Variants in MEGF6 observed in about 807,000 individuals in gnomAD.
MEGF6 encodes multiple epidermal growth factor-like domains protein 6.
In MEGF6, 184 loss-of-function variants were observed where a neutral mutation model predicts 207.1. The ratio of observed to expected loss-of-function variants is 0.89; its 90% CI spans 0.79 to 1.00. The LOEUF is 1.00. MEGF6 is among the 50% of genes least tolerant of loss of function. MEGF6 has a pLI of 0.00. For missense variants in MEGF6, 2,282 were observed against 2,202.9 expected (o/e 1.04, Z -0.72); for synonymous variants, 1,038 against 910.0 (o/e 1.14, Z -2.53).
rs1294371279 is a variant in MEGF6 at position 3,602,541 on chromosome 1, T to C, written c.191A>G (p.Gln64Arg). Residue 64 changes from glutamine (Q) to arginine (R), a missense_variant, in exon 2 of 37, where the codon CAG (glutamine) becomes CGG (arginine). Transcript: ENST00000356575. ...CACCGGCACCGTGTGGCTTAAGGCC[T>C]GCACGCACGGCTGGCGGCGGCCCAC... is the stretch of plus-strand genomic sequence containing the variant. ...TLVGRRQPCV[Q>R]ALSHTVPVWK... 6.2e-7 allele frequency: 1 copy of C among 1,613,024 alleles called. No homozygotes were observed. The highest frequency in any genetic ancestry group is 1.7e-5 in the Admixed American group (1 of 59,960).
chr1:3,616,470 G>GCCC (rs1480762316), upstream of MEGF6, among the ~76,000 whole-genome samples: 1 of 152,072 alleles, frequency 6.6e-6, no homozygotes, highest in African/African-American at 2.4e-5. Flanking sequence ...ACCCCGGACC[G>GCCC]CCCCAGTCTG....
rs757596829 is a variant in MEGF6 at position 3,507,908 on chromosome 1, G to C, written c.1676C>G (p.Thr559Ser). The change falls in exon 14 of 37, where the codon ACC (threonine) becomes AGC (serine). Residue 559 changes from threonine (T) to serine (S), a missense_variant. Thr to Ser is a moderately conservative substitution (Grantham distance 58, BLOSUM62 1). Transcript: ENST00000356575. ...GGAGAAGCTGCAGTTCTTCCCAAAGGTGTCCGGAGGACAAGCTACAAAGAA... is the reference window on the plus strand; with the variant it reads ...GGAGAAGCTGCAGTTCTTCCCAAAGCTGTCCGGAGGACAAGCTACAAAGAA... ...LICNETCPPD[T>S]FGKNCSFSCS... The C allele has an allele frequency of 1.2e-6, 2 of 1,611,926 alleles. No individual in the cohort carries two copies. Among genetic ancestry groups the C allele is most frequent in the Non-Finnish European group, 1.7e-6 (2 of 1,179,178 alleles).
At chr1:3,555,158 ACCAC>A (rs146066678) in intron 4 of MEGF6, among the ~76,000 whole-genome samples, 11 of 149,332 alleles carry the variant, frequency 7.4e-5, no homozygotes, top group African/African-American at 1.5e-4. Context: ...GGTGGTCCCC[ACCAC>A]CCACCCACCC....
chr1:3,576,613 G>T (rs1643649798), intron 4 of MEGF6, among the ~76,000 whole-genome samples: 1 of 151,920 alleles, frequency 6.6e-6, no homozygotes, highest in South Asian at 2.1e-4. Context: ...ATGGGCAGGG[G>T]CTACACCTGC....
At chr1:3,501,984 C>A (rs542097769) in intron 17 of MEGF6, 63 bp from the exon 18 acceptor site, 29 of 1,563,668 alleles carry the variant, frequency 1.9e-5, no homozygotes, top group Middle Eastern at 1.7e-4. Flanking sequence ...CAGAGCCTTT[C>A]CCCCAGGGGC....
chr1:3,530,956 CGCCCTGCTCCCTCCAGCCT>C, intron 4 of MEGF6: 1 of 1,295,850 alleles, frequency 7.7e-7, no homozygotes. Context: ...GGCACTGCCC[CGCCCTGCTCCCTCCAGCCT>C]AGCAGGCAGC....
Position 3,573,425 on chromosome 1 carries a change from A to G in MEGF6, c.481+6400T>C, listed in dbSNP as rs1300404255. ...CTGCACCCAAAGGTAAGCACGGGAA[A>G]CAGTGCGGGGAGCCTGGAACTACAG... On this transcript the variant is annotated intron_variant, in intron 4 of 36. Coordinates refer to ENST00000356575, the MANE Select transcript of MEGF6 (RefSeq NM_001409.4). The surrounding 1 kb of genome is among the most constrained non-coding windows in gnomAD (Gnocchi z 5.1). Among the ~76,000 whole-genome samples the G allele has an allele frequency of 6.6e-6, 1 of 152,214 alleles. No individual in the cohort carries two copies. Among genetic ancestry groups the G allele is most frequent in the East Asian group, 1.9e-4 (1 of 5,196 alleles).
At chr1:3,491,758 G>T (rs921946351) in intron 35 of MEGF6, among the ~76,000 whole-genome samples, 90 of 146,708 alleles carry the variant, frequency 6.1e-4, no homozygotes, top group South Asian at 1.3e-3. Context: ...ACCGCTGGGG[G>T]GTACACGGTG....
intron 3 of MEGF6, among the ~76,000 whole-genome samples, chr1:3,581,156 T>C (rs1643788229): frequency 6.6e-6 from 1 of 152,140 alleles, no homozygotes; most frequent in Admixed American, 6.5e-5. Flanking sequence ...GTGGCCATCC[T>C]GTTTACAGAT....
In MEGF6 at chr1:3,509,262, G is replaced by A. The variant is rs1470855661; in HGVS notation, c.1358-17C>T. 2.8e-6 allele frequency: 4 copies of A among 1,452,410 alleles called. No individual in the cohort carries two copies. In the South Asian group the frequency reaches 4.2e-5, roughly 15 times the overall value. The allele number at this position is 1,452,410 out of a possible 1,614,324, so 90.0% of individuals were successfully genotyped here. On this transcript the variant is annotated splice_polypyrimidine_tract_variant and intron_variant, in intron 11 of 36. Coordinates refer to ENST00000356575, the MANE Select transcript of MEGF6 (RefSeq NM_001409.4). Reference sequence around the variant, plus strand: ...CCTCCAGGGCTGCCAGGGGCACAGAGGCGCCTTAGCCCCTGCCACCCACCT... The same window carrying A: ...CCTCCAGGGCTGCCAGGGGCACAGAAGCGCCTTAGCCCCTGCCACCCACCT...
intron 3 of MEGF6, among the ~76,000 whole-genome samples, chr1:3,582,669 C>A (rs1159698480): frequency 6.6e-6 from 1 of 152,200 alleles, no homozygotes; most frequent in Non-Finnish European, 1.5e-5. Flanking sequence ...CAGATCCTCC[C>A]TATTAGACCC....
chr1:3,524,687 GA>G (rs1209762541), intron 4 of MEGF6, among the ~76,000 whole-genome samples: 26 of 152,252 alleles, frequency 1.7e-4, no homozygotes, highest in African/African-American at 6.0e-4. Context: ...GGAAGCCTGA[GA>G]AAGGGGAGGG....
rs189241471 is a variant in MEGF6, at chr1:3,569,612, G to T, written c.481+10213C>A. Among the ~76,000 whole-genome samples the T allele has an allele frequency of 7.7e-4, 117 of 152,368 alleles. 1 individual carries two copies. Among genetic ancestry groups the T allele is most frequent in the African/African-American group, 2.6e-3 (107 of 41,588 alleles). On this transcript the variant is annotated intron_variant, in intron 4 of 36. Transcript: ENST00000356575. ...AGGAGACCATCCAGGAGACTGGGGG[G>T]CCACGGGGTCTCCGGCCTGGGGCAG...
chr1:3,562,240 A>C (rs191780462), intron 4 of MEGF6, among the ~76,000 whole-genome samples: 53 of 149,190 alleles, frequency 3.6e-4, no homozygotes, highest in African/African-American at 1.3e-3. Flanking sequence ...ATCTTTTTCT[A>C]TCTCTCTATG....
chr1:3,554,284 G>T (rs1257150752), intron 4 of MEGF6, among the ~76,000 whole-genome samples: 2 of 152,180 alleles, frequency 1.3e-5, no homozygotes, highest in South Asian at 4.1e-4. Context: ...CCAGCGCCCC[G>T]ACCAGGCGGC....
chr1:3,603,391 G>A (rs928709560), intron 1 of MEGF6, among the ~76,000 whole-genome samples: 2 of 152,080 alleles, frequency 1.3e-5, no homozygotes, highest in Non-Finnish European at 2.9e-5. Flanking sequence ...GGCCTGCCCT[G>A]ACCGAGGGGT....
chr1:3,560,264 T>C lies in MEGF6; in HGVS notation c.481+19561A>G, dbSNP rs1033106086. ...TTTCCTGTATCATTCAATCCTCCAT[T>C]GGAATGACCGCTTGGTACAGCGGAC... is the stretch of plus-strand genomic sequence containing the variant. On this transcript the variant is annotated intron_variant, in intron 4 of 36. Coordinates refer to ENST00000356575, the MANE Select transcript of MEGF6 (RefSeq NM_001409.4). This position sits in a 1 kb window ranked among gnomAD's most constrained non-coding sequence, Gnocchi z 4.0. Among the ~76,000 whole-genome samples, 6 of 152,090 alleles carry C rather than the reference T, an allele frequency of 3.9e-5. No individual in the cohort carries two copies. Among genetic ancestry groups the C allele is most frequent in the Non-Finnish European group, 8.8e-5 (6 of 68,002 alleles).
At position 3,515,407 on chromosome 1, in the gene MEGF6, C is replaced by A; in HGVS notation, c.725G>T (p.Cys242Phe). The change falls in exon 6 of 37, where the codon TGT becomes TTT. Residue 242 changes from cysteine (C) to phenylalanine (F), a missense_variant. Transcript: ENST00000356575. ...GFQLQEDGRH[C>F]VRRSPCANRN... is the part of the protein sequence containing the mutation. ...CCCAGGCTGGCAGCACTCACGGACACAATGCCTGCCGTCCTCCTGGAGCTG... is the reference window on the plus strand; with the variant it reads ...CCCAGGCTGGCAGCACTCACGGACAAAATGCCTGCCGTCCTCCTGGAGCTG... 1 of 1,611,390 alleles carries A rather than the reference C, an allele frequency of 6.2e-7. No homozygotes were observed. Among genetic ancestry groups the A allele is most frequent in the Non-Finnish European group, 8.5e-7 (1 of 1,179,420 alleles).
chr1:3,603,950 T>A (rs147186742), intron 1 of MEGF6, among the ~76,000 whole-genome samples: 1,761 of 152,310 alleles, frequency 0.012, 39 homozygotes, highest in African/African-American at 0.04. Context: ...GCCCACCCCC[T>A]TGTGCTGAAC....
Sources: gnomAD v4.1 joint callset for allele counts (sites outside exome capture counted in the v4.1 genomes callset) on GRCh38, gnomAD v4.1.1 for gene constraint, Gnocchi (gnomAD v3.1) non-coding constraint, MANE v1.5 for transcripts, NCBI Gene and HGNC (gene_info 2026-07-23, HGNC 2026-07-21) for gene names.